Variants in RASSF3 observed in about 807,000 individuals in gnomAD.
RASSF3 encodes the protein ras association domain-containing protein 3.
A neutral mutation model predicts 19.9 loss-of-function variants in RASSF3; 19 were observed. That is an observed-to-expected ratio of 0.96 (90% CI 0.67 to 1.40). The LOEUF is 1.40. Among genes scored for constraint, RASSF3 ranks in the 40% most tolerant of loss-of-function variants. The pLI, the probability that RASSF3 is intolerant of heterozygous loss-of-function variation, is 0.00. For missense variants in RASSF3, 306 were observed against 289.8 expected (o/e 1.06, Z -0.41); for synonymous variants, 110 against 104.2 (o/e 1.06, Z -0.34).
chr12:64,511,570 T>C (rs1868328360), intron 1 of RASSF3, among the ~76,000 whole-genome samples: 1 of 152,218 alleles, frequency 6.6e-6, no homozygotes, highest in Admixed American at 6.5e-5. Flanking sequence ...TTATGGAAAC[T>C]GGCCTCCTTT....
chr12:64,675,882 C>T (rs774216482), intron 1 of RASSF3, among the ~76,000 whole-genome samples: 20 of 151,630 alleles, frequency 1.3e-4, no homozygotes, highest in Admixed American at 7.2e-4. Context: ...CTCACATAAA[C>T]GGAAATAGAG....
upstream of RASSF3, among the ~76,000 whole-genome samples, chr12:64,530,009 A>G (rs1172026978): frequency 6.6e-6 from 1 of 152,088 alleles, no homozygotes; most frequent in Non-Finnish European, 1.5e-5. Flanking sequence ...GAAGAGCTTG[A>G]CTTTGTAACC....
At chr12:64,627,080 G>A (rs1288563376) in intron 1 of RASSF3, among the ~76,000 whole-genome samples, 1 of 152,148 alleles carries the variant, frequency 6.6e-6, no homozygotes, top group Non-Finnish European at 1.5e-5. Flanking sequence ...AATGTATGTG[G>A]AATGTATTCC....
chr12:64,556,719 G>A (rs182857577), intron 2 of RASSF3, among the ~76,000 whole-genome samples: 4 of 152,130 alleles, frequency 2.6e-5, no homozygotes, highest in South Asian at 2.1e-4. Context: ...CTACTTTTCC[G>A]TGCAGACTGG....
chr12:64,563,611 C>T (rs537473750), intron 2 of RASSF3, among the ~76,000 whole-genome samples: 5 of 152,338 alleles, frequency 3.3e-5, no homozygotes, highest in Admixed American at 3.3e-4. Context: ...TGGCTCATGC[C>T]CCTGCCCTGC....
At chr12:64,614,258 C>T (rs934514271) in intron 1 of RASSF3, among the ~76,000 whole-genome samples, 5 of 151,654 alleles carry the variant, frequency 3.3e-5, no homozygotes, top group African/African-American at 4.8e-5. Flanking sequence ...CTCAGCCTCC[C>T]GAGTAGCTGG....
At chr12:64,568,341 G>T (rs1442013024) in intron 2 of RASSF3, among the ~76,000 whole-genome samples, 2 of 151,982 alleles carry the variant, frequency 1.3e-5, no homozygotes, top group Admixed American at 1.3e-4. Flanking sequence ...CCGCTTGTTT[G>T]GTTTTTTAAA....
intron 1 of RASSF3, among the ~76,000 whole-genome samples, chr12:64,537,654 C>T (rs1466122348): frequency 6.6e-6 from 1 of 152,172 alleles, no homozygotes; most frequent in Non-Finnish European, 1.5e-5. Context: ...CTGCCCAGAA[C>T]TCAATCTTTA....
At chr12:64,509,031 T>C (rs60620673) in intron 1 of RASSF3, among the ~76,000 whole-genome samples, 2 of 152,230 alleles carry the variant, frequency 1.3e-5, no homozygotes, top group Non-Finnish European at 2.9e-5. Flanking sequence ...AGGGAGAATT[T>C]AACTTAATCG....
chr12:64,604,893 G>A (rs1870161431), intron 2 of RASSF3, among the ~76,000 whole-genome samples: 2 of 151,558 alleles, frequency 1.3e-5, no homozygotes, highest in Admixed American at 6.6e-5. Context: ...CCAAAGTGCC[G>A]GGATTACAGG....
intron 4 of RASSF3, among the ~76,000 whole-genome samples, chr12:64,692,380 A>G (rs74098104): frequency 0.016 from 2,385 of 152,324 alleles, 66 homozygotes; most frequent in African/African-American, 0.054. Flanking sequence ...CTAATCTTTT[A>G]GCCCTCAGTT....
intron 1 of RASSF3, among the ~76,000 whole-genome samples, chr12:64,526,193 A>C (rs1315494345): frequency 2.0e-5 from 3 of 152,192 alleles, no homozygotes; most frequent in South Asian, 2.1e-4. Flanking sequence ...TTGACAGATA[A>C]AACTTATATA....
At chr12:64,515,347 G>T (rs1010500225) in intron 1 of RASSF3, among the ~76,000 whole-genome samples, 3 of 151,930 alleles carry the variant, frequency 2.0e-5, no homozygotes, top group African/African-American at 7.2e-5. Flanking sequence ...GAGCCACCAC[G>T]CCTGGCCTAA....
In RASSF3 at chr12:64,624,956, C is replaced by T. The variant is rs779658424; in HGVS notation, c.111+14213C>T. Reference sequence around the variant, plus strand: ...TGCTGGGATTACAGGCGTGAGCCACCGCGCCTGGCCAGCAATAGTTATTTT... The same window carrying T: ...TGCTGGGATTACAGGCGTGAGCCACTGCGCCTGGCCAGCAATAGTTATTTT... On this transcript the variant is annotated intron_variant, in intron 1 of 4. Coordinates refer to ENST00000542104, the MANE Select transcript of RASSF3 (RefSeq NM_178169.4). Among the ~76,000 whole-genome samples the T allele has an allele frequency of 3.9e-5, 6 of 152,130 alleles. No homozygotes were observed. The South Asian group carries it at 6.2e-4, about 16-fold the overall frequency.
At chr12:64,653,180 T>G (rs1872025897) in intron 1 of RASSF3, among the ~76,000 whole-genome samples, 1 of 152,238 alleles carries the variant, frequency 6.6e-6, no homozygotes. Flanking sequence ...CTGATCTTCC[T>G]GCCTCAGCCT....
At chr12:64,556,338 T>G (rs1869256122) in intron 2 of RASSF3, among the ~76,000 whole-genome samples, 1 of 152,080 alleles carries the variant, frequency 6.6e-6, no homozygotes, top group Non-Finnish European at 1.5e-5. Flanking sequence ...GTATTTTTTT[T>G]GTAGAGATGG....
At chr12:64,629,512 C>T (rs1871100645) in intron 1 of RASSF3, among the ~76,000 whole-genome samples, 1 of 152,146 alleles carries the variant, frequency 6.6e-6, no homozygotes, top group Admixed American at 6.5e-5. Context: ...GCAACTCCTG[C>T]CCTTTTCATT....
intron 2 of RASSF3, among the ~76,000 whole-genome samples, chr12:64,552,222 G>A (rs1869176686): frequency 1.3e-5 from 2 of 152,156 alleles, no homozygotes; most frequent in African/African-American, 2.4e-5. Flanking sequence ...AAAGGAAAGG[G>A]TAGAGGGAAA....
At chr12:64,635,438 T>C (rs370933823) in intron 1 of RASSF3, among the ~76,000 whole-genome samples, 3 of 152,286 alleles carry the variant, frequency 2.0e-5, no homozygotes, top group South Asian at 4.1e-4. Context: ...TAGTGGAAAG[T>C]CATAAAGAGC....
Sources: allele counts gnomAD v4.1 joint callset (sites outside exome capture counted in the v4.1 genomes callset), GRCh38; gene constraint gnomAD v4.1.1; transcripts MANE v1.5; gene names NCBI Gene and HGNC (gene_info 2026-07-23, HGNC 2026-07-21).